The following ABCB1 variants were observed in gnomAD, a reference collection of about 807,000 sequenced individuals.
ABCB1 encodes the protein ATP-dependent translocase ABCB1.
ABCB1 carries 69 observed loss-of-function variants against 142.0 expected under a neutral mutation model. That is an observed-to-expected ratio of 0.49 (90% CI 0.40 to 0.59). The LOEUF is 0.59. ABCB1 is among the 20% of genes least tolerant of loss of function. The probability of loss-of-function intolerance (pLI) is 0.00; values close to 1 mark genes in which losing one functional copy is unlikely to be tolerated. For synonymous variants in ABCB1, 532 were observed against 539.2 expected, an observed-to-expected ratio of 0.99 and a Z score of 0.18; for missense variants, 1,326 against 1,554.7, an observed-to-expected ratio of 0.85 and a Z score of 2.47.
At chr7:87,549,271 A>G in intron 14 of ABCB1, 77 bp downstream of exon 14, 1 of 1,577,162 alleles carries the variant, frequency 6.3e-7, no homozygotes, top group South Asian at 1.1e-5. Flanking sequence ...CTTTTCTAAG[A>G]CCAATATTAA....
At chr7:87,698,668 G>C (rs118183024) in intron 1 of ABCB1, among the ~76,000 whole-genome samples, 2 of 152,156 alleles carry the variant, frequency 1.3e-5, no homozygotes, top group Non-Finnish European at 1.5e-5. Flanking sequence ...TATTTATTGA[G>C]TGCCTACTGT....
At chr7:87,612,745 T>C (rs1199077757) in intron 1 of ABCB1, among the ~76,000 whole-genome samples, 31 of 152,102 alleles carry the variant, frequency 2.0e-4, no homozygotes, top group Admixed American at 2.0e-3. Context: ...GCTATTTGTG[T>C]TCCTTTTTGG....
intron 1 of ABCB1, among the ~76,000 whole-genome samples, chr7:87,706,676 G>A (rs1296097587): frequency 1.3e-5 from 2 of 152,166 alleles, no homozygotes; most frequent in Non-Finnish European, 2.9e-5. Context: ...CACATCCTAG[G>A]TATAGAGACT....
At chr7:87,712,016 G>A (rs185017055) in intron 1 of ABCB1, among the ~76,000 whole-genome samples, 114 of 152,108 alleles carry the variant, frequency 7.5e-4, no homozygotes, top group Non-Finnish European at 1.3e-3. Context: ...GAAAATCTGG[G>A]CATTTATTAT....
intron 1 of ABCB1, among the ~76,000 whole-genome samples, chr7:87,618,539 G>A (rs1482368225): frequency 6.6e-6 from 1 of 152,164 alleles, no homozygotes; most frequent in Non-Finnish European, 1.5e-5. Context: ...ACAATGCCAG[G>A]TTAACAGACA....
At chr7:87,691,548 T>A (rs1317091885) in intron 1 of ABCB1, among the ~76,000 whole-genome samples, 4 of 152,228 alleles carry the variant, frequency 2.6e-5, no homozygotes, top group African/African-American at 9.6e-5. Flanking sequence ...CAAAAGGTTT[T>A]GTTTCCATCT....
intron 1 of ABCB1, among the ~76,000 whole-genome samples, chr7:87,703,162 T>C (rs1291786254): frequency 3.3e-5 from 5 of 152,200 alleles, no homozygotes; most frequent in Non-Finnish European, 5.9e-5. Flanking sequence ...AATTATAAAT[T>C]ATGTGTCTAT....
At chr7:87,548,926 C>T (rs1046982899) in intron 14 of ABCB1, among the ~76,000 whole-genome samples, 2 of 152,192 alleles carry the variant, frequency 1.3e-5, no homozygotes, top group Admixed American at 6.5e-5. Flanking sequence ...TGGCATTCAA[C>T]ACCTGGAAAA....
intron 2 of ABCB1, among the ~76,000 whole-genome samples, chr7:87,598,360 A>G (rs1302033652): frequency 6.6e-6 from 1 of 152,182 alleles, no homozygotes; most frequent in East Asian, 1.9e-4. Context: ...AATATTTGCT[A>G]GGTGATGTTG....
chr7:87,578,839 G>T (rs377226231), intron 4 of ABCB1, among the ~76,000 whole-genome samples: 2 of 151,434 alleles, frequency 1.3e-5, no homozygotes, highest in Admixed American at 6.6e-5. Flanking sequence ...GACTACAGGC[G>T]CCCGCCACCA....
intron 1 of ABCB1, among the ~76,000 whole-genome samples, chr7:87,689,581 T>C (rs747267091): frequency 1.3e-5 from 2 of 152,186 alleles, no homozygotes; most frequent in Admixed American, 1.3e-4. Flanking sequence ...ATATTGCTAA[T>C]ATTACTTTAT....
At chr7:87,700,078 G>A (rs180806718) in intron 1 of ABCB1, among the ~76,000 whole-genome samples, 4 of 152,016 alleles carry the variant, frequency 2.6e-5, no homozygotes, top group Non-Finnish European at 4.4e-5. Flanking sequence ...AACTAGAAGC[G>A]CAGGAAGGTT....
At chr7:87,600,236 C>A (rs758746096) in intron 1 of ABCB1, 46 bp from the exon 2 acceptor site, 7 of 1,548,338 alleles carry the variant, frequency 4.5e-6, no homozygotes, top group Middle Eastern at 1.7e-4. Context: ...GAGCCTCAGG[C>A]GCGCTGGAGG....
At chr7:87,641,450 C>T (rs899883587) in intron 1 of ABCB1, among the ~76,000 whole-genome samples, 3 of 152,196 alleles carry the variant, frequency 2.0e-5, no homozygotes, top group Non-Finnish European at 2.9e-5. Context: ...GAACAACCTA[C>T]AGTTTGCTCC....
chr7:87,669,868 G>T (rs1414273485), intron 1 of ABCB1, among the ~76,000 whole-genome samples: 1 of 152,064 alleles, frequency 6.6e-6, no homozygotes, highest in Non-Finnish European at 1.5e-5. Context: ...TCCTTTTGTA[G>T]GTCATGTGCC....
intron 4 of ABCB1, among the ~76,000 whole-genome samples, chr7:87,578,041 T>C: frequency 6.6e-6 from 1 of 152,216 alleles, no homozygotes; most frequent in East Asian, 1.9e-4. Flanking sequence ...TTTAGTAGTT[T>C]CATAGTTTCA....
At chr7:87,669,221 C>A (rs573878403) in intron 1 of ABCB1, among the ~76,000 whole-genome samples, 15 of 151,938 alleles carry the variant, frequency 9.9e-5, no homozygotes, top group African/African-American at 3.4e-4. Context: ...AATCCTTTAC[C>A]ATTAAGTAAT....
At chr7:87,596,017 G>A (rs572656713) in intron 2 of ABCB1, among the ~76,000 whole-genome samples, 3 of 151,924 alleles carry the variant, frequency 2.0e-5, no homozygotes, top group African/African-American at 4.8e-5. Context: ...ATCTACATAC[G>A]TGGTTATCAC....
Position 87,509,154 on chromosome 7 carries a change from A to G in ABCB1, c.3489+121T>C, listed in dbSNP as rs918405869. 5.3e-6 allele frequency: 5 copies of G among 948,300 alleles called. No homozygotes were observed. The African/African-American group carries it at 8.1e-5, about 15-fold the overall frequency. 58.7% of individuals were successfully genotyped at this position (948,300 alleles called of 1,614,324 possible). ...TGTGGCCAGATGCTTGTATACAGGT[A>G]AGGGTGTGATTTGGTTGCTAATTTC... On this transcript the variant is annotated intron_variant, in intron 26 of 27. Coordinates refer to ENST00000622132, the MANE Select transcript of ABCB1 (RefSeq NM_001348946.2).
Sources: allele counts gnomAD v4.1 joint callset (sites outside exome capture counted in the v4.1 genomes callset), GRCh38; gene constraint gnomAD v4.1.1; transcripts MANE v1.5; gene names NCBI Gene and HGNC (gene_info 2026-07-23, HGNC 2026-07-21).